MMP16: variants seen among roughly 807,000 people sequenced by gnomAD.
The protein encoded by MMP16 is matrix metalloproteinase-16.
A neutral mutation model predicts 67.8 loss-of-function variants in MMP16; 12 were observed. The observed-to-expected ratio is 0.18, with a 90% CI of 0.11 to 0.29. MMP16 has a LOEUF of 0.29. Among genes scored for constraint, MMP16 ranks in the 10% least tolerant of loss-of-function variants. The pLI, the probability that MMP16 is intolerant of heterozygous loss-of-function variation, is 1.00. For synonymous variants in MMP16, 249 were observed against 255.9 expected (o/e 0.97, Z 0.26); for missense variants, 475 against 765.7 (o/e 0.62, Z 4.48).
In MMP16 at chr8:88,149,616, G is replaced by A. The variant is rs369834268; in HGVS notation, c.709+18053C>T. Among the ~76,000 whole-genome samples the A allele has an allele frequency of 3.0e-4, 46 of 151,644 alleles. No individual in the cohort carries two copies. The East Asian group carries it at 5.3e-3, about 17-fold the overall frequency. On this transcript the variant is annotated intron_variant, in intron 4 of 9. Transcript: ENST00000286614. Reference sequence around the variant, plus strand: ...GCAGGGGCACACTGACACCTCACACGGCAGGGTATTCCAACAGACCTGCAG... The same window carrying A: ...GCAGGGGCACACTGACACCTCACACAGCAGGGTATTCCAACAGACCTGCAG...
chr8:88,274,550 A>T (rs1810614972), intron 1 of MMP16, among the ~76,000 whole-genome samples: 1 of 152,100 alleles, frequency 6.6e-6, no homozygotes, highest in East Asian at 1.9e-4. Flanking sequence ...ACTAAAAAGA[A>T]ATGCATTGAA....
At chr8:88,080,826 T>A (rs1431548461) in intron 6 of MMP16, among the ~76,000 whole-genome samples, 2 of 152,068 alleles carry the variant, frequency 1.3e-5, no homozygotes, top group East Asian at 1.9e-4. Context: ...AAGAAAAAAA[T>A]TGGGTATGCA....
chr8:88,129,551 T>C (rs1241015343), intron 4 of MMP16, among the ~76,000 whole-genome samples: 1 of 151,656 alleles, frequency 6.6e-6, no homozygotes, highest in Non-Finnish European at 1.5e-5. Context: ...GTGAAGCTCT[T>C]TTCTGGAAGA....
intron 1 of MMP16, among the ~76,000 whole-genome samples, chr8:88,275,315 A>T (rs1810629808): frequency 6.6e-6 from 1 of 152,036 alleles, no homozygotes; most frequent in Non-Finnish European, 1.5e-5. Context: ...TTACTTATTA[A>T]TTGATCAAGA....
At position 88,046,558 on chromosome 8, in the gene MMP16, T is replaced by G. The variant is rs1239042072; in HGVS notation, c.1489+111A>C. The G allele has an allele frequency of 1.1e-5, 6 of 536,272 alleles. No individual in the cohort carries two copies. In the South Asian group the frequency reaches 1.9e-4, roughly 17 times the overall value. The allele number at this position is 536,272 out of a possible 1,614,324, so 33.2% of individuals were successfully genotyped here. A position where few individuals can be genotyped will look rare whatever the true frequency, so the allele number is the denominator to read the frequency against. ...GTTCATATAAATAGAAATACAGTATTACATAGCTCTAGTATAGCACTTTCC... is the reference window on the plus strand; with the variant it reads ...GTTCATATAAATAGAAATACAGTATGACATAGCTCTAGTATAGCACTTTCC... On this transcript the variant is annotated intron_variant, in intron 9 of 9. Coordinates refer to ENST00000286614, the MANE Select transcript of MMP16 (RefSeq NM_005941.5).
At chr8:88,146,007 T>C (rs1283228277) in intron 4 of MMP16, among the ~76,000 whole-genome samples, 1 of 152,006 alleles carries the variant, frequency 6.6e-6, no homozygotes, top group Non-Finnish European at 1.5e-5. Context: ...AGAAATGCGG[T>C]TCTAGACAAA....
At position 88,240,824 on chromosome 8, in the gene MMP16, A is replaced by G. The variant is rs936995861; in HGVS notation, c.133-43518T>C. 2.6e-5 allele frequency among the ~76,000 whole-genome samples: 4 copies of G among 152,110 alleles called. No individual in the cohort carries two copies. The East Asian group carries it at 7.7e-4, about 29-fold the overall frequency. ...TATTCATGCATGCTTTCTATTTTAT[A>G]ATTATTAATCTTGCCAGAGGCTTGT... On this transcript the variant is annotated intron_variant, in intron 1 of 9. Coordinates refer to ENST00000286614, the MANE Select transcript of MMP16 (RefSeq NM_005941.5).
intron 4 of MMP16, among the ~76,000 whole-genome samples, chr8:88,125,351 G>A (rs1007164452): frequency 4.0e-5 from 6 of 151,848 alleles, no homozygotes; most frequent in African/African-American, 1.2e-4. Context: ...TTTGGATGTG[G>A]TTTAAAGCAT....
Position 88,324,306 on chromosome 8 carries a change from A to T in MMP16, c.132+2769T>A, listed in dbSNP as rs555175657. On this transcript the variant is annotated intron_variant, in intron 1 of 9. Coordinates refer to ENST00000286614, the MANE Select transcript of MMP16 (RefSeq NM_005941.5). Reference sequence around the variant, plus strand: ...CTCACTTCGATAATTGACAACTCCAAATATTTATACCCTTAAAAATCAGAC... The same window carrying T: ...CTCACTTCGATAATTGACAACTCCATATATTTATACCCTTAAAAATCAGAC... Among the ~76,000 whole-genome samples the T allele has an allele frequency of 1.9e-4, 29 of 152,232 alleles. No individual in the cohort carries two copies. In the South Asian group the frequency reaches 4.6e-3, roughly 24 times the overall value.
chr8:88,099,306 T>G (rs925630066), intron 6 of MMP16, among the ~76,000 whole-genome samples: 5 of 151,838 alleles, frequency 3.3e-5, no homozygotes, highest in African/African-American at 1.2e-4. Context: ...ATATCACTTC[T>G]GATAATTATT....
intron 1 of MMP16, among the ~76,000 whole-genome samples, chr8:88,275,206 C>T (rs1810626634): frequency 1.3e-5 from 2 of 151,640 alleles, no homozygotes; most frequent in South Asian, 4.1e-4. Context: ...TTGTGTGAAT[C>T]TAAGTAAAGA....
intron 1 of MMP16, among the ~76,000 whole-genome samples, chr8:88,300,108 AG>A (rs1811074546): frequency 6.6e-6 from 1 of 152,218 alleles, no homozygotes; most frequent in African/African-American, 2.4e-5. Flanking sequence ...TCTCTGGAAA[AG>A]AGTGGCCAAT....
intron 4 of MMP16, among the ~76,000 whole-genome samples, chr8:88,142,440 A>G (rs1431346714): frequency 6.6e-6 from 1 of 152,124 alleles, no homozygotes; most frequent in Non-Finnish European, 1.5e-5. Context: ...TCTCTGCTTT[A>G]TCTAGTAATT....
chr8:88,307,240 C>T (rs1811224054), intron 1 of MMP16, among the ~76,000 whole-genome samples: 1 of 152,082 alleles, frequency 6.6e-6, no homozygotes, highest in South Asian at 2.1e-4. Context: ...TAGCAATTTC[C>T]AATAAACTTT....
chr8:88,283,980 C>CAACT (rs1336707152), intron 1 of MMP16, among the ~76,000 whole-genome samples: 2 of 152,188 alleles, frequency 1.3e-5, no homozygotes, highest in African/African-American at 4.8e-5. Flanking sequence ...AATGTTGAAA[C>CAACT]AACTGGTGAT....
chr8:88,114,726 A>G (rs1809399909), intron 6 of MMP16, among the ~76,000 whole-genome samples: 1 of 152,040 alleles, frequency 6.6e-6, no homozygotes, highest in Non-Finnish European at 1.5e-5. Flanking sequence ...ATTATTGACA[A>G]AATGAAAATT....
At chr8:88,236,244 G>A (rs1198967422) in intron 1 of MMP16, among the ~76,000 whole-genome samples, 1 of 152,222 alleles carries the variant, frequency 6.6e-6, no homozygotes, top group Non-Finnish European at 1.5e-5. Flanking sequence ...GAGTCCAAAA[G>A]TCTGCAGCGG....
rs137966502 is a variant in MMP16, at chr8:88,225,372, C to T, written c.133-28066G>A. On this transcript the variant is annotated intron_variant, in intron 1 of 9. Coordinates refer to ENST00000286614, the MANE Select transcript of MMP16 (RefSeq NM_005941.5). ...CATTCACACCATTTATCAGTTTATC[C>T]GAATTAACTTGAATTTATTACCACA... Among the ~76,000 whole-genome samples the T allele has an allele frequency of 3.9e-3, 586 of 151,956 alleles. 4 individuals carry two copies. Among genetic ancestry groups the T allele is most frequent in the African/African-American group, 0.013 (555 of 41,504 alleles).
intron 1 of MMP16, among the ~76,000 whole-genome samples, chr8:88,229,668 C>G (rs945446404): frequency 2.0e-5 from 3 of 151,344 alleles, no homozygotes; most frequent in African/African-American, 7.3e-5. Flanking sequence ...GAAGGGGCCA[C>G]AGCTATGACT....
Sources: allele counts gnomAD v4.1 joint callset (sites outside exome capture counted in the v4.1 genomes callset), GRCh38; gene constraint gnomAD v4.1.1; transcripts MANE v1.5; gene names NCBI Gene and HGNC (gene_info 2026-07-23, HGNC 2026-07-21).